The following TXN variants were observed in gnomAD, a reference collection of about 807,000 sequenced individuals.
TXN encodes the protein thioredoxin.
In TXN, 10 loss-of-function variants were observed where a neutral mutation model predicts 16.5. The ratio of observed to expected loss-of-function variants is 0.61; its 90% CI spans 0.37 to 1.03. TXN has a LOEUF of 1.03. TXN is among the 50% of genes least tolerant of loss of function. The pLI, the probability that TXN is intolerant of heterozygous loss-of-function variation, is 0.01. For missense variants in TXN, 71 were observed against 122.5 expected (o/e 0.58, Z 1.98); for synonymous variants, 35 against 39.4 (o/e 0.89, Z 0.42).
At chr9:110,244,927 A>G in intron 3 of TXN, 84 bp from the exon 4 acceptor site, 2 of 1,113,056 alleles carry the variant, frequency 1.8e-6, no homozygotes, top group African/African-American at 1.5e-5. Flanking sequence ...AAAACCAGAA[A>G]CTTTTCCCTG....
intron 1 of TXN, among the ~76,000 whole-genome samples, chr9:110,251,722 T>C (rs1338872840): frequency 6.6e-6 from 1 of 152,084 alleles, no homozygotes; most frequent in Non-Finnish European, 1.5e-5. Context: ...GACATTCTCT[T>C]CATAACTATT....
intron 1 of TXN, among the ~76,000 whole-genome samples, chr9:110,254,792 A>G (rs939881372): frequency 2.0e-5 from 3 of 152,170 alleles, no homozygotes; most frequent in Non-Finnish European, 4.4e-5. Flanking sequence ...TGGGACAACT[A>G]ACATAGACCA....
intron 3 of TXN, among the ~76,000 whole-genome samples, chr9:110,245,618 C>CACACACACACACTATATATA (rs1425530609): frequency 3.2e-5 from 1 of 30,890 alleles, no homozygotes; most frequent in African/African-American, 1.4e-4. Context: ...CACACACACA[C>CACACACACACACTATATATA]TATATATATA....
chr9:110,247,300 G>A (rs1262469529), intron 3 of TXN, among the ~76,000 whole-genome samples: 1 of 148,780 alleles, frequency 6.7e-6, no homozygotes. Context: ...TCCAGCCTGG[G>A]TGACAGAGTG....
chr9:110,252,684 G>A lies in TXN; in HGVS notation c.25-1222C>T, dbSNP rs541104114. ...TTTTTGAGACGGAGTTTCACTTGTT[G>A]CCCAGGCTGGAGTGCAAAGGCCTGA... On this transcript the variant is annotated intron_variant, in intron 1 of 4. Coordinates refer to ENST00000374517, the MANE Select transcript of TXN (RefSeq NM_003329.4). 4.5e-3 allele frequency among the ~76,000 whole-genome samples: 690 copies of A among 152,088 alleles called. 6 individuals are homozygous for A. Among genetic ancestry groups the A allele is most frequent in the Non-Finnish European group, 3.3e-3 (223 of 67,980 alleles).
At position 110,256,034 on chromosome 9, in the gene TXN, C is replaced by T. The variant is rs1462522223; in HGVS notation, c.24+378G>A. Among the ~76,000 whole-genome samples the T allele has an allele frequency of 1.3e-5, 2 of 152,188 alleles. No individual in the cohort carries two copies. The highest frequency in any genetic ancestry group is 2.1e-4 in the South Asian group (1 of 4,838). On this transcript the variant is annotated intron_variant, in intron 1 of 4. Coordinates refer to ENST00000374517, the MANE Select transcript of TXN (RefSeq NM_003329.4). This position sits in a 1 kb window ranked among gnomAD's most constrained non-coding sequence, Gnocchi z 4.2. Reference sequence around the variant, plus strand: ...TCATCTTCCTCCAGTCGGGGCTGCCCGGACGGGAGGGTGCAGGAGGCGCAG... The same window carrying T: ...TCATCTTCCTCCAGTCGGGGCTGCCTGGACGGGAGGGTGCAGGAGGCGCAG...
rs553679700 is a variant in TXN, at chr9:110,250,117, T to C, written c.189+703A>G. Among the ~76,000 whole-genome samples, 10 of 152,372 alleles carry C rather than the reference T, an allele frequency of 6.6e-5. No individual in the cohort carries two copies. The South Asian group carries it at 2.1e-3, about 32-fold the overall frequency. ...GTCAAGGGCTGGGAAGCCAGACCAC[T>C]TCATTTTAAATCCTAGTTCAGCCAC... is the stretch of plus-strand genomic sequence containing the variant. On this transcript the variant is annotated intron_variant, in intron 3 of 4. Transcript: ENST00000374517.
intron 3 of TXN, among the ~76,000 whole-genome samples, chr9:110,250,052 A>G (rs1015044455): frequency 2.0e-5 from 3 of 152,210 alleles, no homozygotes; most frequent in Non-Finnish European, 4.4e-5. Context: ...CCCGATCTAC[A>G]CCCACAAGAC....
At chr9:110,247,859 G>T (rs1225006531) in intron 3 of TXN, among the ~76,000 whole-genome samples, 2 of 152,078 alleles carry the variant, frequency 1.3e-5, no homozygotes, top group African/African-American at 4.8e-5. Flanking sequence ...CCAGGAGAAG[G>T]CACTGTTATC....
At chr9:110,252,976 T>C (rs959963818) in intron 1 of TXN, among the ~76,000 whole-genome samples, 1 of 151,978 alleles carries the variant, frequency 6.6e-6, no homozygotes, top group Non-Finnish European at 1.5e-5. Flanking sequence ...ACCAGAGCAA[T>C]TAAGATAAAT....
intron 3 of TXN, 45 bp downstream of exon 3, chr9:110,250,775 C>T: frequency 7.1e-7 from 1 of 1,414,898 alleles, no homozygotes; most frequent in Non-Finnish European, 9.9e-7. Context: ...GAGAAAAAGG[C>T]CAATGTGAAA....
chr9:110,245,593 G>GTGTGTA (rs1554766606), intron 3 of TXN, among the ~76,000 whole-genome samples: 2 of 67,048 alleles, frequency 3.0e-5, no homozygotes, highest in Non-Finnish European at 2.7e-5. Context: ...GTGTGTGTGT[G>GTGTGTA]TATATATATA....
rs935238378 is a variant in TXN, at chr9:110,256,494, CCAAA to C, written c.-63_-60del. 104 of 1,557,906 alleles carry C rather than the reference CCAAA, an allele frequency of 6.7e-5. No homozygotes were observed. The African/African-American group carries it at 1.2e-3, about 19-fold the overall frequency. ...GACCGATGGAAATGGATCCAAAGCA[CCAAA>C]CAGAGCTTCAAGACTCGCTGCTTGC... is the stretch of plus-strand genomic sequence containing the variant. On this transcript the variant is annotated 5_prime_UTR_variant, in exon 1 of 5. Transcript: ENST00000374517. This position sits in a 1 kb window ranked among gnomAD's most constrained non-coding sequence, Gnocchi z 4.2.
At chr9:110,249,600 G>C (rs1002944329) in intron 3 of TXN, among the ~76,000 whole-genome samples, 2 of 152,160 alleles carry the variant, frequency 1.3e-5, no homozygotes, top group Non-Finnish European at 2.9e-5. Context: ...TAGTCAGGTA[G>C]GAAAGGAAAG....
At chr9:110,251,148 G>A (rs1372999122) in intron 2 of TXN, among the ~76,000 whole-genome samples, 2 of 151,970 alleles carry the variant, frequency 1.3e-5, no homozygotes, top group Non-Finnish European at 2.9e-5. Context: ...AACTATTTAA[G>A]ACAAAATTAA....
At chr9:110,247,248 G>A (rs949704784) in intron 3 of TXN, among the ~76,000 whole-genome samples, 6 of 151,816 alleles carry the variant, frequency 4.0e-5, no homozygotes, top group Non-Finnish European at 1.5e-5. Context: ...GCTTGAACCC[G>A]GGAGGTGGAG....
chr9:110,255,592 G>C (rs1354452675), intron 1 of TXN, among the ~76,000 whole-genome samples: 1 of 152,202 alleles, frequency 6.6e-6, no homozygotes, highest in Non-Finnish European at 1.5e-5. Flanking sequence ...CGAGGCCCCC[G>C]GGCCCAACCT....
At chr9:110,252,774 A>G (rs930108152) in intron 1 of TXN, among the ~76,000 whole-genome samples, 5 of 152,222 alleles carry the variant, frequency 3.3e-5, no homozygotes, top group Non-Finnish European at 1.5e-5. Context: ...CCTCCTGAGT[A>G]GCTGGGATTA....
chr9:110,244,299 T>TTATATATATACATATACATATA (rs1554766522), intron 4 of TXN, 80 bp from the exon 5 acceptor site: 1 of 367,194 alleles, frequency 2.7e-6, no homozygotes, highest in African/African-American at 2.5e-5. Flanking sequence ...AAATATGTAT[T>TTATATATATACATATACATATA]TATATATATA....
Sources: allele counts gnomAD v4.1 joint callset (sites outside exome capture counted in the v4.1 genomes callset), GRCh38; gene constraint gnomAD v4.1.1; non-coding constraint Gnocchi (gnomAD v3.1); transcripts MANE v1.5; gene names NCBI Gene and HGNC (gene_info 2026-07-23, HGNC 2026-07-21).